The following HIPK3 variants were observed in gnomAD, a reference collection of about 807,000 sequenced individuals.
The protein encoded by HIPK3 is homeodomain interacting protein kinase 3, also known as homeodomain-interacting protein kinase 3.
A neutral mutation model predicts 124.2 loss-of-function variants in HIPK3; 47 were observed. The observed-to-expected ratio is 0.38, with a 90% CI of 0.30 to 0.48. HIPK3 has a LOEUF of 0.48. HIPK3 is among the 20% of genes least tolerant of loss of function. HIPK3 has a pLI of 0.98. For synonymous variants in HIPK3, 482 were observed against 515.2 expected (o/e 0.94, Z 0.87); for missense variants, 1,286 against 1,454.3 (o/e 0.88, Z 1.88).
At chr11:33,316,765 G>T (rs746836564) in intron 2 of HIPK3, among the ~76,000 whole-genome samples, 13 of 152,178 alleles carry the variant, frequency 8.5e-5, no homozygotes, top group African/African-American at 1.2e-4. Flanking sequence ...TGAGACTGCA[G>T]TGAGCTATGA....
At chr11:33,309,266 C>T (rs527907062) in intron 2 of HIPK3, among the ~76,000 whole-genome samples, 1 of 152,254 alleles carries the variant, frequency 6.6e-6, no homozygotes, top group South Asian at 2.1e-4. Flanking sequence ...TTAGAACTTG[C>T]TCCCTTCTTC....
In HIPK3 at chr11:33,280,025, A is replaced by C. The variant is rs556670818; in HGVS notation, c.-2-6388A>C. Among the ~76,000 whole-genome samples, 8 of 152,194 alleles carry C rather than the reference A, an allele frequency of 5.3e-5. No individual in the cohort carries two copies. In the East Asian group the frequency reaches 1.5e-3, roughly 29 times the overall value. On this transcript the variant is annotated intron_variant, in intron 1 of 16. Coordinates refer to ENST00000303296, the MANE Select transcript of HIPK3 (RefSeq NM_005734.5). ...CAACATACAAATTCTGGGGGAGCTG[A>C]GGGGAGGTGGGGGGGACACAAACAT...
intron 1 of HIPK3, among the ~76,000 whole-genome samples, chr11:33,262,718 C>G (rs1054919742): frequency 6.6e-6 from 1 of 152,128 alleles, no homozygotes; most frequent in African/African-American, 2.4e-5. Flanking sequence ...AACTGAGGAC[C>G]ATATTTTTGA....
At chr11:33,337,694 G>C (rs551033799) in intron 4 of HIPK3, among the ~76,000 whole-genome samples, 82 of 150,546 alleles carry the variant, frequency 5.4e-4, no homozygotes, top group Non-Finnish European at 9.5e-4. Flanking sequence ...CTTTTTTTGA[G>C]ACAAAGTCTT....
chr11:33,277,716 G>C (rs1356245574), intron 1 of HIPK3, among the ~76,000 whole-genome samples: 1 of 152,178 alleles, frequency 6.6e-6, no homozygotes, highest in Non-Finnish European at 1.5e-5. Context: ...AGAATTGCTG[G>C]ATTATAGAGT....
chr11:33,268,505 C>G (rs951443337), intron 1 of HIPK3, among the ~76,000 whole-genome samples: 16 of 138,816 alleles, frequency 1.2e-4, no homozygotes, highest in African/African-American at 4.0e-4. Flanking sequence ...ACAGAAAGAT[C>G]ATTTGAACCT....
intron 2 of HIPK3, among the ~76,000 whole-genome samples, chr11:33,314,981 C>T (rs1045413241): frequency 3.3e-5 from 5 of 151,926 alleles, no homozygotes; most frequent in African/African-American, 4.8e-5. Context: ...ATAAGATATT[C>T]GAAAAGATTG....
At chr11:33,282,332 C>T (rs777621082) in intron 1 of HIPK3, among the ~76,000 whole-genome samples, 1 of 151,834 alleles carries the variant, frequency 6.6e-6, no homozygotes, top group African/African-American at 2.4e-5. Flanking sequence ...CTGCAGCAAG[C>T]CATGTTTGTG....
chr11:33,298,018 AC>A (rs1241814619), intron 2 of HIPK3, among the ~76,000 whole-genome samples: 1 of 151,872 alleles, frequency 6.6e-6, no homozygotes, highest in Non-Finnish European at 1.5e-5. Flanking sequence ...TGAACTCCTG[AC>A]CTCAAGTGAT....
rs750509696 is a variant in HIPK3, at chr11:33,286,724, G to A, written c.310G>A (p.Val104Met). The part of the protein sequence containing the change: ...VIAAQAQQAH[V>M]QAPQIGAWRN... ...AGCAGCTCAGGCACAGCAAGCTCAC[G>A]TGCAGGCACCTCAGATTGGGGCGTG... is the stretch of plus-strand genomic sequence containing the variant. The change falls in exon 2 of 17, where the codon GTG (valine) becomes ATG (methionine). Residue 104 changes from valine (V) to methionine (M), a missense_variant. Transcript: ENST00000303296. 21 of 1,613,936 alleles carry A rather than the reference G, an allele frequency of 1.3e-5. No individual in the cohort carries two copies. Among genetic ancestry groups the A allele is most frequent in the South Asian group, 3.3e-5 (3 of 91,090 alleles).
intron 3 of HIPK3, among the ~76,000 whole-genome samples, 168 bp from the exon 4 acceptor site, chr11:33,336,907 A>G (rs1853166133): frequency 6.6e-6 from 1 of 152,216 alleles, no homozygotes; most frequent in South Asian, 2.1e-4. Context: ...TGATACTTAT[A>G]ATTCCACATT....
intron 2 of HIPK3, among the ~76,000 whole-genome samples, chr11:33,294,153 G>A (rs11032222): frequency 2.0e-5 from 3 of 147,930 alleles, no homozygotes; most frequent in Non-Finnish European, 1.5e-5. Flanking sequence ...GACTCCATCT[G>A]AAAAAGAAAA....
rs533612772 is a variant in HIPK3 at position 33,272,260 on chromosome 11, G to A, written c.-2-14153G>A. 1.2e-4 allele frequency among the ~76,000 whole-genome samples: 18 copies of A among 152,192 alleles called. No individual in the cohort carries two copies. The East Asian group carries it at 3.1e-3, about 26-fold the overall frequency. ...TAAAAATTCGAAAGATTAGCTGGGC[G>A]TGGTGGCAGGTGCCTGTAATCCCAG... is the stretch of plus-strand genomic sequence containing the variant. On this transcript the variant is annotated intron_variant, in intron 1 of 16. Transcript: ENST00000303296.
At chr11:33,321,686 T>A (rs1051541123) in intron 2 of HIPK3, among the ~76,000 whole-genome samples, 1 of 152,142 alleles carries the variant, frequency 6.6e-6, no homozygotes, top group East Asian at 1.9e-4. Context: ...AAAGAGGAAG[T>A]GTGAAGTAGG....
intron 1 of HIPK3, among the ~76,000 whole-genome samples, chr11:33,267,400 A>G (rs1380040666): frequency 6.6e-6 from 1 of 152,134 alleles, no homozygotes; most frequent in African/African-American, 2.4e-5. Flanking sequence ...GGCGTGAGCC[A>G]CTGTGCCCGG....
At chr11:33,283,000 GTT>G (rs1207214779) in intron 1 of HIPK3, among the ~76,000 whole-genome samples, 1 of 151,930 alleles carries the variant, frequency 6.6e-6, no homozygotes, top group Non-Finnish European at 1.5e-5. Flanking sequence ...TTTTCAGTGT[GTT>G]TTTTCTTCAT....
At chr11:33,291,345 ATTT>A (rs2133909249) in intron 2 of HIPK3, among the ~76,000 whole-genome samples, 1 of 152,332 alleles carries the variant, frequency 6.6e-6, no homozygotes, top group Non-Finnish European at 1.5e-5. Context: ...CAAATTAAAT[ATTT>A]TTGAGCAAAG....
chr11:33,317,274 A>ATTTTTTTTTT (rs3028961), intron 2 of HIPK3, among the ~76,000 whole-genome samples: 6 of 102,204 alleles, frequency 5.9e-5, no homozygotes, highest in Non-Finnish European at 1.1e-4. Context: ...GCCTGGCCCT[A>ATTTTTTTTTT]TTTTTTTTTT....
chr11:33,277,999 A>C lies in HIPK3; in HGVS notation c.-2-8414A>C, dbSNP rs530514348. Reference sequence around the variant, plus strand: ...TACGTGTATTGCAAATAACTTCTCTATGTCAGTGGCTTATCTTTATTTCAG... The same window carrying C: ...TACGTGTATTGCAAATAACTTCTCTCTGTCAGTGGCTTATCTTTATTTCAG... On this transcript the variant is annotated intron_variant, in intron 1 of 16. Transcript: ENST00000303296. 6.6e-5 allele frequency among the ~76,000 whole-genome samples: 10 copies of C among 152,228 alleles called. No homozygotes were observed. The East Asian group carries it at 1.9e-3, about 29-fold the overall frequency.
Sources: gnomAD v4.1 joint callset for allele counts (sites outside exome capture counted in the v4.1 genomes callset) on GRCh38, gnomAD v4.1.1 for gene constraint, MANE v1.5 for transcripts, NCBI Gene and HGNC (gene_info 2026-07-23, HGNC 2026-07-21) for gene names.